Variants in NR3C2 observed in about 807,000 individuals in gnomAD.
The protein encoded by NR3C2 is nuclear receptor subfamily 3 group C member 2.
A neutral mutation model predicts 86.4 loss-of-function variants in NR3C2; 15 were observed. The observed-to-expected ratio is 0.17, with a 90% confidence interval of 0.12 to 0.27. The LOEUF is 0.27. Ranked by LOEUF, NR3C2 falls within the 10% of genes least tolerant of loss-of-function variation. NR3C2 has a pLI of 1.00. For synonymous variants in NR3C2, 458 were observed against 450.5 expected, an observed-to-expected ratio of 1.02 and a Z score of -0.21; for missense variants, 960 against 1,195.6, an observed-to-expected ratio of 0.80 and a Z score of 2.91.
intron 3 of NR3C2, among the ~76,000 whole-genome samples, chr4:148,199,914 T>C (rs1394990450): frequency 1.3e-5 from 2 of 152,240 alleles, no homozygotes; most frequent in East Asian, 1.9e-4. Flanking sequence ...GTGTTCTTGA[T>C]ATGTTCTGAC....
chr4:148,079,707 A>C lies in NR3C2; in HGVS notation c.*1637T>G, dbSNP rs1423885268. 6.6e-6 allele frequency: 1 copy of C among 152,642 alleles called. No homozygotes were observed. Among genetic ancestry groups the C allele is most frequent in the Admixed American group, 6.5e-5 (1 of 15,284 alleles). 9.5% of individuals were successfully genotyped at this position (152,642 alleles called of 1,614,324 possible). A position where few individuals can be genotyped will look rare whatever the true frequency, so the allele number is the denominator to read the frequency against. On this transcript the variant is annotated 3_prime_UTR_variant, in exon 9 of 9. Coordinates refer to ENST00000358102, the MANE Select transcript of NR3C2 (RefSeq NM_000901.5). Reference sequence around the variant, plus strand: ...TTAATGAATTAAACATTTTAGTGCCACTGTCTTGCTTATATGATCTGTAAT... The same window carrying C: ...TTAATGAATTAAACATTTTAGTGCCCCTGTCTTGCTTATATGATCTGTAAT...
At chr4:148,224,099 G>T (rs1738012092) in intron 3 of NR3C2, among the ~76,000 whole-genome samples, 1 of 151,332 alleles carries the variant, frequency 6.6e-6, no homozygotes, top group Admixed American at 6.6e-5. Context: ...AAGTTAGGTG[G>T]GAAGAATAGG....
chr4:148,422,137 G>A (rs1749312280), intron 2 of NR3C2, among the ~76,000 whole-genome samples: 1 of 151,766 alleles, frequency 6.6e-6, no homozygotes, highest in Non-Finnish European at 1.5e-5. Flanking sequence ...CTTAAGAGGG[G>A]GAAAAATGCT....
upstream of NR3C2, chr4:148,442,591 G>A (rs1750408722): frequency 3.1e-6 from 3 of 965,008 alleles, no homozygotes; most frequent in South Asian, 1.4e-4. Flanking sequence ...CTATTGGCCC[G>A]AAGAGAAGCA....
At chr4:148,273,377 T>C (rs1740790478) in intron 2 of NR3C2, among the ~76,000 whole-genome samples, 1 of 152,204 alleles carries the variant, frequency 6.6e-6, no homozygotes. Context: ...AGAAAGAGAT[T>C]AATATTTTGA....
At chr4:148,416,780 T>A (rs1233073116) in intron 2 of NR3C2, among the ~76,000 whole-genome samples, 2 of 152,338 alleles carry the variant, frequency 1.3e-5, no homozygotes, top group East Asian at 1.9e-4. Flanking sequence ...TTGCTTTTTT[T>A]TTCTTTTTTT....
chr4:148,349,885 G>A (rs980452787), intron 2 of NR3C2, among the ~76,000 whole-genome samples: 14 of 151,992 alleles, frequency 9.2e-5, no homozygotes, highest in Admixed American at 8.5e-4. Flanking sequence ...CCAAGGTAAT[G>A]TTATAAGGCT....
chr4:148,361,553 G>A (rs1323656565), intron 2 of NR3C2, among the ~76,000 whole-genome samples: 1 of 152,154 alleles, frequency 6.6e-6, no homozygotes, highest in Non-Finnish European at 1.5e-5. Flanking sequence ...TCATTAATAG[G>A]AAATTGTGGG....
intron 2 of NR3C2, among the ~76,000 whole-genome samples, chr4:148,363,707 G>A (rs1468025917): frequency 3.3e-5 from 5 of 151,942 alleles, no homozygotes; most frequent in Non-Finnish European, 7.4e-5. Context: ...GTTTAACTGT[G>A]TTAGCCAGGA....
chr4:148,336,588 G>A lies in NR3C2; in HGVS notation c.1758-76471C>T, dbSNP rs546196340. 3.9e-5 allele frequency among the ~76,000 whole-genome samples: 6 copies of A among 152,170 alleles called. No homozygotes were observed. The East Asian group carries it at 1.2e-3, about 30-fold the overall frequency. On this transcript the variant is annotated intron_variant, in intron 2 of 8. Coordinates refer to ENST00000358102, the MANE Select transcript of NR3C2 (RefSeq NM_000901.5). Reference sequence around the variant, plus strand: ...TAAGACCCTCATATACACACACCATGGAATCTTTGCAAGGCCCCAGGAGAA... The same window carrying A: ...TAAGACCCTCATATACACACACCATAGAATCTTTGCAAGGCCCCAGGAGAA...
chr4:148,187,464 GA>G, intron 4 of NR3C2, among the ~76,000 whole-genome samples: 1 of 152,072 alleles, frequency 6.6e-6, no homozygotes, highest in African/African-American at 2.4e-5. Flanking sequence ...TAGTGATGTT[GA>G]GCATTTTTTC....
At chr4:148,241,537 T>C (rs536129242) in intron 3 of NR3C2, among the ~76,000 whole-genome samples, 2 of 152,126 alleles carry the variant, frequency 1.3e-5, no homozygotes, top group South Asian at 4.2e-4. Flanking sequence ...CTTTAAGCTC[T>C]CGTGTGTCTC....
intron 2 of NR3C2, chr4:148,368,272 CCTTTGTACA>C (rs1459211588): frequency 6.6e-6 from 1 of 152,170 alleles, no homozygotes; most frequent in Middle Eastern, 3.2e-3. Context: ...CACCTCTGAG[CCTTTGTACA>C]CTTGCGGTTT....
intron 2 of NR3C2, among the ~76,000 whole-genome samples, chr4:148,294,592 G>A (rs1741956428): frequency 6.6e-6 from 1 of 151,586 alleles, no homozygotes; most frequent in African/African-American, 2.4e-5. Context: ...TACCTCAACT[G>A]CAGATAAACT....
intron 3 of NR3C2, among the ~76,000 whole-genome samples, chr4:148,246,449 C>T (rs1739317090): frequency 6.6e-6 from 1 of 152,190 alleles, no homozygotes; most frequent in African/African-American, 2.4e-5. Flanking sequence ...GGTATCATAT[C>T]CACAAGTATC....
At chr4:148,235,634 AT>A (rs1301489359) in intron 3 of NR3C2, among the ~76,000 whole-genome samples, 6 of 152,182 alleles carry the variant, frequency 3.9e-5, no homozygotes, top group Admixed American at 1.3e-4. Flanking sequence ...TTCACCTACT[AT>A]AGGTGTACAG....
chr4:148,317,770 CT>C (rs35697753), intron 2 of NR3C2, among the ~76,000 whole-genome samples: 105,479 of 151,348 alleles, frequency 0.7, 37,197 homozygotes, highest in East Asian at 0.83. Flanking sequence ...GCAGAAAAAG[CT>C]TTTTTTTAAA....
chr4:148,122,970 G>A (rs928620299), intron 6 of NR3C2, among the ~76,000 whole-genome samples: 2 of 152,096 alleles, frequency 1.3e-5, no homozygotes, highest in East Asian at 1.9e-4. Context: ...TGCCTGCGGC[G>A]TCGGGCAAAA....
intron 3 of NR3C2, among the ~76,000 whole-genome samples, chr4:148,201,629 A>G (rs887451648): frequency 2.7e-5 from 4 of 148,854 alleles, no homozygotes; most frequent in African/African-American, 1.0e-4. Flanking sequence ...AGCATGCACC[A>G]TCTCCTCTGC....
Sources: gnomAD v4.1 joint callset for allele counts (sites outside exome capture counted in the v4.1 genomes callset) on GRCh38, gnomAD v4.1.1 for gene constraint, MANE v1.5 for transcripts, NCBI Gene and HGNC (gene_info 2026-07-23, HGNC 2026-07-21) for gene names.